Variants in TRPM3 observed in about 807,000 individuals in gnomAD.
TRPM3 encodes long transient receptor potential channel 3.
Under a neutral mutation model 181.2 loss-of-function variants are expected in TRPM3, and 77 were observed. The observed-to-expected ratio is 0.42, with a 90% CI of 0.35 to 0.51. TRPM3 has a LOEUF of 0.51. TRPM3 is among the 20% of genes least tolerant of loss of function. TRPM3 has a pLI of 0.01. For synonymous variants in TRPM3, 745 were observed against 796.4 expected (o/e 0.94, Z 1.09); for missense variants, 1,759 against 2,196.7 (o/e 0.80, Z 3.98).
chr9:71,370,413 A>G (rs1188417093), intron 1 of TRPM3, among the ~76,000 whole-genome samples: 2 of 152,244 alleles, frequency 1.3e-5, no homozygotes, highest in African/African-American at 4.8e-5. Flanking sequence ...CAGTGAACAC[A>G]CAAATAATAA....
At chr9:70,993,801 AAAAAGAAAGAAAGAAAG>A (rs2097515197) in intron 1 of TRPM3, among the ~76,000 whole-genome samples, 1 of 124,684 alleles carries the variant, frequency 8.0e-6, no homozygotes, top group African/African-American at 2.8e-5. Context: ...AAAAAAAAAA[AAAAAGAAAGAAAGAAAG>A]AAAGAAAGCA....
intron 1 of TRPM3, among the ~76,000 whole-genome samples, chr9:71,282,197 AAT>A (rs2084816993): frequency 8.4e-6 from 1 of 119,108 alleles, no homozygotes; most frequent in Non-Finnish European, 1.7e-5. Flanking sequence ...GGAAAGAAAG[AAT>A]GAAAGAAAGA....
At chr9:71,378,197 C>G (rs2092711214) in intron 1 of TRPM3, among the ~76,000 whole-genome samples, 1 of 151,988 alleles carries the variant, frequency 6.6e-6, no homozygotes, top group South Asian at 2.1e-4. Context: ...AATAGTCAAA[C>G]AGACCAAATA....
At chr9:71,332,589 C>T (rs968943527) in intron 1 of TRPM3, among the ~76,000 whole-genome samples, 1 of 151,534 alleles carries the variant, frequency 6.6e-6, no homozygotes, top group Non-Finnish European at 1.5e-5. Context: ...AATGTGAAAT[C>T]AGGAGATAAA....
intron 1 of TRPM3, among the ~76,000 whole-genome samples, chr9:70,927,981 C>T (rs903819588): frequency 6.6e-6 from 1 of 152,120 alleles, no homozygotes; most frequent in Non-Finnish European, 1.5e-5. Context: ...AATAAATATA[C>T]TGCTTGGAAG....
intron 1 of TRPM3, among the ~76,000 whole-genome samples, chr9:71,222,149 T>C (rs951032029): frequency 2.6e-5 from 4 of 152,186 alleles, no homozygotes; most frequent in Admixed American, 6.5e-5. Context: ...TGCTGATAAA[T>C]AGATAATGAA....
intron 21 of TRPM3, among the ~76,000 whole-genome samples, chr9:70,596,562 T>A (rs2059057105): frequency 6.6e-6 from 1 of 151,934 alleles, no homozygotes; most frequent in Non-Finnish European, 1.5e-5. Context: ...TGAAACCTCG[T>A]CTCTAATAAA....
intron 1 of TRPM3, among the ~76,000 whole-genome samples, chr9:71,404,209 T>C (rs1430863339): frequency 6.6e-6 from 1 of 152,220 alleles, no homozygotes. Flanking sequence ...CCTAAATAAG[T>C]AGCAGCTCAA....
intron 1 of TRPM3, among the ~76,000 whole-genome samples, chr9:71,081,876 T>C (rs754736344): frequency 6.6e-6 from 1 of 152,172 alleles, no homozygotes; most frequent in Non-Finnish European, 1.5e-5. Flanking sequence ...CTTAGCAACA[T>C]TGCCACTTGG....
intron 17 of TRPM3, among the ~76,000 whole-genome samples, chr9:70,617,492 C>G (rs1334660486): frequency 6.6e-6 from 1 of 152,052 alleles, no homozygotes; most frequent in Non-Finnish European, 1.5e-5. Context: ...TGAGTATGTA[C>G]CATACAGATG....
chr9:70,852,986 T>C (rs1004133520), intron 3 of TRPM3, among the ~76,000 whole-genome samples: 1 of 152,210 alleles, frequency 6.6e-6, no homozygotes, highest in African/African-American at 2.4e-5. Context: ...GTTTTTCCCA[T>C]GGGTCAATTT....
At chr9:70,937,061 G>A (rs981400183) in intron 1 of TRPM3, among the ~76,000 whole-genome samples, 1 of 152,160 alleles carries the variant, frequency 6.6e-6, no homozygotes, top group Non-Finnish European at 1.5e-5. Flanking sequence ...GCCATGAGCT[G>A]AAAATAGTCT....
intron 1 of TRPM3, among the ~76,000 whole-genome samples, chr9:70,868,733 G>T (rs1033694772): frequency 2.6e-5 from 4 of 151,954 alleles, no homozygotes; most frequent in African/African-American, 7.2e-5. Context: ...TAGGAAAAAG[G>T]GTCCACTAAC....
intron 1 of TRPM3, among the ~76,000 whole-genome samples, chr9:71,267,396 C>G (rs1041095983): frequency 6.6e-6 from 1 of 152,152 alleles, no homozygotes; most frequent in South Asian, 2.1e-4. Flanking sequence ...GGCTCTGACC[C>G]CAGTAAGTGG....
chr9:71,006,186 T>C (rs954884063), intron 1 of TRPM3, among the ~76,000 whole-genome samples: 3 of 152,114 alleles, frequency 2.0e-5, no homozygotes, highest in Non-Finnish European at 4.4e-5. Context: ...AAATCTGCAA[T>C]TGATACACTA....
chr9:70,955,868 C>G (rs2097063241), intron 1 of TRPM3, among the ~76,000 whole-genome samples: 1 of 152,174 alleles, frequency 6.6e-6, no homozygotes, highest in South Asian at 2.1e-4. Context: ...TAACCACGAG[C>G]TCACTGGGGG....
At chr9:70,632,079 T>C (rs908710043) in intron 12 of TRPM3, among the ~76,000 whole-genome samples, 1 of 152,306 alleles carries the variant, frequency 6.6e-6, no homozygotes, top group Admixed American at 6.5e-5. Context: ...CACATATATT[T>C]CCCCCCATAA....
At chr9:71,439,099 AG>A (rs2094093811) in intron 1 of TRPM3, among the ~76,000 whole-genome samples, 1 of 152,244 alleles carries the variant, frequency 6.6e-6, no homozygotes, top group Non-Finnish European at 1.5e-5. Context: ...GTAAAAACAT[AG>A]AAGAATGGAC....
At chr9:71,304,969 G>T (rs1279619990) in intron 1 of TRPM3, among the ~76,000 whole-genome samples, 1 of 152,056 alleles carries the variant, frequency 6.6e-6, no homozygotes, top group Non-Finnish European at 1.5e-5. Context: ...TTTTTAGTAG[G>T]TACTAAGCTC....
Sources: gnomAD v4.1 joint callset for allele counts (sites outside exome capture counted in the v4.1 genomes callset) on GRCh38, gnomAD v4.1.1 for gene constraint, MANE v1.5 for transcripts, NCBI Gene and HGNC (gene_info 2026-07-23, HGNC 2026-07-21) for gene names.